CORIN: variants seen among roughly 807,000 people sequenced by gnomAD.
CORIN encodes corin, serine peptidase.
Under a neutral mutation model 125.3 loss-of-function variants are expected in CORIN, and 117 were observed. The ratio of observed to expected loss-of-function variants is 0.93; its 90% confidence interval spans 0.80 to 1.09. The LOEUF is 1.09. CORIN is among the 50% of genes least tolerant of loss of function. The pLI is 0.00. For missense variants in CORIN, 1,253 were observed against 1,306.7 expected, an observed-to-expected ratio of 0.96 and a Z score of 0.63; for synonymous variants, 450 against 466.4, an observed-to-expected ratio of 0.96 and a Z score of 0.45.
At chr4:47,748,827 A>G (rs1316555940) in intron 4 of CORIN, among the ~76,000 whole-genome samples, 4 of 152,168 alleles carry the variant, frequency 2.6e-5, no homozygotes, top group East Asian at 1.9e-4. Flanking sequence ...TTGATTTTGA[A>G]CTACTGTTAA....
chr4:47,636,198 C>T (rs978239638), intron 16 of CORIN, among the ~76,000 whole-genome samples: 9 of 152,154 alleles, frequency 5.9e-5, no homozygotes, highest in African/African-American at 1.2e-4. Context: ...AATCAAATTG[C>T]AACTAACTCC....
chr4:47,621,401 G>C (rs1377695315), intron 19 of CORIN, among the ~76,000 whole-genome samples: 1 of 152,090 alleles, frequency 6.6e-6, no homozygotes, highest in Admixed American at 6.6e-5. Flanking sequence ...CCTCTCCCTA[G>C]CTTTGGAATC....
chr4:47,830,281 T>C (rs1732925408), intron 1 of CORIN, among the ~76,000 whole-genome samples: 1 of 152,092 alleles, frequency 6.6e-6, no homozygotes, highest in South Asian at 2.1e-4. Flanking sequence ...ACCAGATTAA[T>C]TAATTGGCTT....
At position 47,641,919 on chromosome 4, in the gene CORIN, C is replaced by A. The variant is rs758232899; in HGVS notation, c.2198+1G>T. 1 of 1,612,922 alleles carries A rather than the reference C, an allele frequency of 6.2e-7. No individual in the cohort carries two copies. The highest frequency in any genetic ancestry group is 8.5e-7 in the Non-Finnish European group (1 of 1,179,260). On this transcript the variant is annotated splice_donor_variant, in intron 16 of 21. Transcript: ENST00000273857. LOFTEE classifies it high-confidence loss of function. ...TCAGTGCTACAAACTACTGACCTTA[C>A]CCTAAACCCATCTGCTTGCAGGCCA...
chr4:47,716,557 C>A (rs1483652918), intron 5 of CORIN, among the ~76,000 whole-genome samples: 1 of 152,074 alleles, frequency 6.6e-6, no homozygotes, highest in African/African-American at 2.4e-5. Flanking sequence ...TTTCTATTTA[C>A]ATAGTAAAGG....
In CORIN at chr4:47,680,224, C is replaced by A; in HGVS notation, c.1049G>T (p.Cys350Phe). The change falls in exon 8 of 22, where the codon TGC becomes TTC. Residue 350 changes from cysteine (C) to phenylalanine (F), a missense_variant. By Grantham distance (205) the Cys-to-Phe change is radical. Coordinates refer to ENST00000273857, the MANE Select transcript of CORIN (RefSeq NM_006587.4). The stretch of plus-strand genomic sequence containing the variant: ...CATGGCGATGCAGCGCCCGTCCCCG[C>A]AGCGATGCTCTGTTGTGGGATTGCA... ...CDCNPTTEHR[C>F]GDGRCIAMEW... 6.2e-7 allele frequency: 1 copy of A among 1,613,970 alleles called. No homozygotes were observed. The highest frequency in any genetic ancestry group is 8.5e-7 in the Non-Finnish European group (1 of 1,179,882).
intron 4 of CORIN, among the ~76,000 whole-genome samples, chr4:47,747,191 A>T (rs1281231950): frequency 6.6e-6 from 1 of 152,138 alleles, no homozygotes; most frequent in Non-Finnish European, 1.5e-5. Context: ...CAATCAAAAC[A>T]GTACTCCCAA....
intron 1 of CORIN, among the ~76,000 whole-genome samples, chr4:47,828,699 T>C (rs977982705): frequency 1.3e-5 from 2 of 152,192 alleles, no homozygotes; most frequent in African/African-American, 4.8e-5. Flanking sequence ...GGGATTAAGA[T>C]GTGGGTTTAT....
At chr4:47,623,212 T>C (rs1486034459) in intron 19 of CORIN, among the ~76,000 whole-genome samples, 1 of 151,728 alleles carries the variant, frequency 6.6e-6, no homozygotes. Flanking sequence ...TGCGCCTGCA[T>C]CCAAACCTCA....
chr4:47,734,786 T>C (rs1577874808), intron 5 of CORIN, among the ~76,000 whole-genome samples: 1 of 152,222 alleles, frequency 6.6e-6, no homozygotes, highest in Non-Finnish European at 1.5e-5. Context: ...CATTGTAGGA[T>C]GTTTGGCAGC....
At chr4:47,654,856 C>A (rs1220883786) in intron 12 of CORIN, among the ~76,000 whole-genome samples, 1 of 151,884 alleles carries the variant, frequency 6.6e-6, no homozygotes, top group Non-Finnish European at 1.5e-5. Context: ...AGTGCTTGTG[C>A]CACCCCTTCC....
At chr4:47,618,586 G>A (rs1306761083) in intron 19 of CORIN, among the ~76,000 whole-genome samples, 8 of 152,006 alleles carry the variant, frequency 5.3e-5, no homozygotes, top group Admixed American at 4.6e-4. Context: ...TTGGGAGGCC[G>A]AGGAGGGCGG....
chr4:47,651,899 G>GTTGTT (rs1318564577), intron 13 of CORIN, among the ~76,000 whole-genome samples: 1 of 152,054 alleles, frequency 6.6e-6, no homozygotes, highest in African/African-American at 2.4e-5. Flanking sequence ...TCTTGGTAAA[G>GTTGTT]TTGTTTTGTT....
chr4:47,825,556 C>T (rs1002816726), intron 1 of CORIN, among the ~76,000 whole-genome samples: 1 of 151,978 alleles, frequency 6.6e-6, no homozygotes, highest in Non-Finnish European at 1.5e-5. Context: ...TAGATAAAGA[C>T]GTAAGAGTAA....
intron 15 of CORIN, 71 bp from the exon 16 acceptor site, chr4:47,642,120 TG>T (rs1397936557): frequency 2.1e-5 from 31 of 1,494,798 alleles, no homozygotes; most frequent in Non-Finnish European, 2.7e-5. Context: ...TAACTTTACA[TG>T]CCTCTGCTTC....
At chr4:47,825,727 G>GTC (rs1366107752) in intron 1 of CORIN, among the ~76,000 whole-genome samples, 1 of 139,300 alleles carries the variant, frequency 7.2e-6, no homozygotes, top group African/African-American at 2.7e-5. Context: ...TTTAGATGGA[G>GTC]TCTCACTCTG....
At chr4:47,704,222 GA>G (rs376625346) in intron 5 of CORIN, among the ~76,000 whole-genome samples, 4 of 151,048 alleles carry the variant, frequency 2.6e-5, no homozygotes, top group South Asian at 2.1e-4. Flanking sequence ...CCTAACAGGG[GA>G]AAAAAAAATT....
At chr4:47,676,702 T>C (rs1440233431) in intron 9 of CORIN, among the ~76,000 whole-genome samples, 5 of 152,220 alleles carry the variant, frequency 3.3e-5, no homozygotes, top group African/African-American at 1.2e-4. Context: ...ATTTTACTTT[T>C]AAATCTGTTT....
At chr4:47,715,552 T>TC (rs1727049931) in intron 5 of CORIN, among the ~76,000 whole-genome samples, 1 of 151,836 alleles carries the variant, frequency 6.6e-6, no homozygotes, top group Non-Finnish European at 1.5e-5. Context: ...TGAGCTGAGA[T>TC]CGTGCCACAG....
Sources: gnomAD v4.1 joint callset for allele counts (sites outside exome capture counted in the v4.1 genomes callset) on GRCh38, gnomAD v4.1.1 for gene constraint, MANE v1.5 for transcripts, NCBI Gene and HGNC (gene_info 2026-07-23, HGNC 2026-07-21) for gene names.